Variants in GMDS observed in about 807,000 individuals in gnomAD.
GMDS encodes the protein GDP-mannose 4,6-dehydratase.
In GMDS, 20 loss-of-function variants were observed where a neutral mutation model predicts 49.9. That is an observed-to-expected ratio of 0.40 (90% CI 0.28 to 0.58). The LOEUF is 0.58. Among genes scored for constraint, GMDS ranks in the 20% least tolerant of loss-of-function variants. The pLI is 0.42. For synonymous variants in GMDS, 177 were observed against 178.6 expected (o/e 0.99, Z 0.07); for missense variants, 362 against 481.4 (o/e 0.75, Z 2.32).
intron 1 of GMDS, among the ~76,000 whole-genome samples, chr6:2,234,138 C>T (rs1420707914): frequency 2.6e-5 from 4 of 152,016 alleles, no homozygotes; most frequent in Admixed American, 1.3e-4. Flanking sequence ...AAACAAAAAC[C>T]CTTACTTCTC....
Position 1,667,892 on chromosome 6 carries a change from G to C in GMDS, c.988-43352C>G, listed in dbSNP as rs186441085. On this transcript the variant is annotated intron_variant, in intron 9 of 10. Transcript: ENST00000380815. The stretch of plus-strand genomic sequence containing the variant: ...TGAACATATTTACTGTCCTGGTTAA[G>C]TTTCTTTCTAATGAAGACTGGGACC... 4.7e-4 allele frequency among the ~76,000 whole-genome samples: 71 copies of C among 151,562 alleles called. No homozygotes were observed. In the East Asian group the frequency reaches 0.014, roughly 30 times the overall value.
In GMDS at chr6:1,668,018, G is replaced by A. The variant is rs182885986; in HGVS notation, c.988-43478C>T. Among the ~76,000 whole-genome samples the A allele has an allele frequency of 5.4e-4, 82 of 152,292 alleles. 2 individuals are homozygous for A. In the East Asian group the frequency reaches 6.8e-3, roughly 13 times the overall value. ...CTGGCCTATGCACAAGTCCCAGGGT[G>A]AATGAAGGGAGTGATCGTACCTGGC... On this transcript the variant is annotated intron_variant, in intron 9 of 10. Coordinates refer to ENST00000380815, the MANE Select transcript of GMDS (RefSeq NM_001500.4).
intron 1 of GMDS, among the ~76,000 whole-genome samples, chr6:2,172,148 T>C (rs1778040905): frequency 6.6e-6 from 1 of 152,200 alleles, no homozygotes; most frequent in South Asian, 2.1e-4. Context: ...TCTTTTATGA[T>C]GATCATCATA....
At chr6:1,953,101 T>A (rs1054406801) in intron 6 of GMDS, among the ~76,000 whole-genome samples, 4 of 152,094 alleles carry the variant, frequency 2.6e-5, no homozygotes, top group Non-Finnish European at 4.4e-5. Flanking sequence ...CTTCAACTGA[T>A]CTCCTGCGGA....
intron 7 of GMDS, among the ~76,000 whole-genome samples, chr6:1,743,664 C>T (rs970830303): frequency 6.6e-6 from 1 of 151,964 alleles, no homozygotes; most frequent in Admixed American, 6.6e-5. Flanking sequence ...AGCGCAGCCC[C>T]GCTCCCCGTG....
intron 7 of GMDS, among the ~76,000 whole-genome samples, chr6:1,743,947 CA>C (rs1307934892): frequency 6.6e-6 from 1 of 152,100 alleles, no homozygotes; most frequent in African/African-American, 2.4e-5. Flanking sequence ...ATGATATGTG[CA>C]TTGAACTCTC....
chr6:1,734,012 C>A (rs372978620), intron 8 of GMDS, among the ~76,000 whole-genome samples: 1 of 152,120 alleles, frequency 6.6e-6, no homozygotes. Context: ...AGGGCGGGTG[C>A]CGTTTTTATG....
intron 7 of GMDS, among the ~76,000 whole-genome samples, chr6:1,830,190 T>G (rs1405025296): frequency 6.6e-6 from 1 of 152,250 alleles, no homozygotes; most frequent in Admixed American, 6.5e-5. Context: ...TGTGGGACAT[T>G]GCAGATATAG....
chr6:2,144,975 A>T (rs1776479394), intron 1 of GMDS, among the ~76,000 whole-genome samples: 2 of 152,176 alleles, frequency 1.3e-5, no homozygotes, highest in South Asian at 4.1e-4. Context: ...TTCCAAGCAA[A>T]GGGACTGGGC....
intron 9 of GMDS, among the ~76,000 whole-genome samples, chr6:1,700,920 G>A (rs966113837): frequency 6.6e-6 from 1 of 152,118 alleles, no homozygotes; most frequent in Admixed American, 6.5e-5. Flanking sequence ...GAGTCAAGAA[G>A]GGTCAGTCAT....
intron 7 of GMDS, among the ~76,000 whole-genome samples, chr6:1,792,453 C>T (rs898345888): frequency 1.1e-4 from 17 of 152,158 alleles, no homozygotes; most frequent in African/African-American, 3.9e-4. Flanking sequence ...GATCGTTTCA[C>T]CTAGACCAGC....
chr6:2,076,288 T>C (rs1772331937), intron 4 of GMDS, among the ~76,000 whole-genome samples: 1 of 152,166 alleles, frequency 6.6e-6, no homozygotes, highest in Non-Finnish European at 1.5e-5. Context: ...GAACTTTCCA[T>C]GCTCATGGGT....
chr6:2,028,973 T>C lies in GMDS; in HGVS notation c.346-68007A>G, dbSNP rs952458040. 2.0e-5 allele frequency among the ~76,000 whole-genome samples: 3 copies of C among 151,588 alleles called. No individual in the cohort carries two copies. In the South Asian group the frequency reaches 6.2e-4, roughly 31 times the overall value. Reference sequence around the variant, plus strand: ...GATGATTATACAAGATAGATGGCTCTGCTGGGTGATTTTTTTTCTTTCTTT... The same window carrying C: ...GATGATTATACAAGATAGATGGCTCCGCTGGGTGATTTTTTTTCTTTCTTT... On this transcript the variant is annotated intron_variant, in intron 4 of 10. Transcript: ENST00000380815.
intron 9 of GMDS, among the ~76,000 whole-genome samples, chr6:1,685,912 T>A (rs1275619816): frequency 6.6e-6 from 1 of 152,194 alleles, no homozygotes; most frequent in African/African-American, 2.4e-5. Flanking sequence ...TTCCTGAATA[T>A]CCCCTGGTGA....
chr6:1,674,872 A>AT (rs34059761), intron 9 of GMDS, among the ~76,000 whole-genome samples: 50,533 of 151,218 alleles, frequency 0.33, 8,759 homozygotes, highest in Middle Eastern at 0.47. Flanking sequence ...CTTACACATA[A>AT]TTTTTAGACT....
intron 7 of GMDS, among the ~76,000 whole-genome samples, chr6:1,825,836 C>T (rs550427625): frequency 6.6e-6 from 1 of 152,098 alleles, no homozygotes; most frequent in South Asian, 2.1e-4. Flanking sequence ...GCAGACATGG[C>T]GAAACCCCAT....
At chr6:1,862,152 A>G (rs911264393) in intron 7 of GMDS, among the ~76,000 whole-genome samples, 7 of 152,254 alleles carry the variant, frequency 4.6e-5, no homozygotes, top group Admixed American at 4.6e-4. Flanking sequence ...AAGAGCAGAT[A>G]CTTACTTCTG....
intron 7 of GMDS, among the ~76,000 whole-genome samples, chr6:1,884,068 T>C (rs1160048224): frequency 6.6e-6 from 1 of 152,178 alleles, no homozygotes; most frequent in Non-Finnish European, 1.5e-5. Flanking sequence ...AGAGCCTCAA[T>C]GTAAGGAAAA....
chr6:2,244,755 A>T (rs1158181749), intron 1 of GMDS, among the ~76,000 whole-genome samples: 1 of 151,952 alleles, frequency 6.6e-6, no homozygotes, highest in Non-Finnish European at 1.5e-5. Flanking sequence ...AAGTTTTTTA[A>T]GTTCTTTTTC....
Sources: allele counts gnomAD v4.1 joint callset (sites outside exome capture counted in the v4.1 genomes callset), GRCh38; gene constraint gnomAD v4.1.1; transcripts MANE v1.5; gene names NCBI Gene and HGNC (gene_info 2026-07-23, HGNC 2026-07-21).